Variants in TRIQK observed in about 807,000 individuals in gnomAD.
TRIQK encodes triple QxxK/R motif containing.
A neutral mutation model predicts 10.8 loss-of-function variants in TRIQK; 10 were observed. The observed-to-expected ratio is 0.92, with a 90% CI of 0.57 to 1.57. TRIQK has a LOEUF of 1.57. Among genes scored for constraint, TRIQK ranks in the 40% most tolerant of loss-of-function variants. TRIQK has a pLI of 0.00. For synonymous variants in TRIQK, 33 were observed against 33.7 expected, an observed-to-expected ratio of 0.98 and a Z score of 0.07; for missense variants, 107 against 97.7, an observed-to-expected ratio of 1.09 and a Z score of -0.40.
intron 1 of TRIQK, among the ~76,000 whole-genome samples, chr8:92,988,052 G>T (rs1236622593): frequency 8.2e-6 from 1 of 122,566 alleles, no homozygotes; most frequent in Non-Finnish European, 1.6e-5. Flanking sequence ...TGTCGCCCAG[G>T]CTGGAGTGCA....
intron 2 of TRIQK, among the ~76,000 whole-genome samples, chr8:92,940,334 T>TAA (rs56063230): frequency 1.5e-5 from 2 of 130,370 alleles, no homozygotes; most frequent in African/African-American, 2.9e-5. Context: ...ATAGATTTAA[T>TAA]AAAAAAAAAA....
intron 1 of TRIQK, among the ~76,000 whole-genome samples, chr8:92,988,155 C>CTGGGACTACAGGT (rs1813056817): frequency 6.6e-6 from 1 of 151,510 alleles, no homozygotes; most frequent in Non-Finnish European, 1.5e-5. Flanking sequence ...GGACTACAGG[C>CTGGGACTACAGGT]GCCCACCACC....
chr8:92,925,683 A>G (rs1276823240), intron 2 of TRIQK, among the ~76,000 whole-genome samples: 1 of 152,198 alleles, frequency 6.6e-6, no homozygotes, highest in Admixed American at 6.5e-5. Flanking sequence ...TAGAACTGAG[A>G]TTCTACTACA....
At chr8:92,990,458 T>C (rs537059051) in intron 1 of TRIQK, among the ~76,000 whole-genome samples, 55 of 152,290 alleles carry the variant, frequency 3.6e-4, no homozygotes, top group African/African-American at 1.3e-3. Context: ...TAGTTGTCGC[T>C]GGCAAGATGG....
chr8:92,900,962 T>A (rs1370069021), intron 3 of TRIQK, among the ~76,000 whole-genome samples: 1 of 152,140 alleles, frequency 6.6e-6, no homozygotes, highest in Admixed American at 6.6e-5. Context: ...ACTTATTTGC[T>A]TAAGTTTATT....
chr8:93,006,694 CCCA>C (rs1209492238), intron 1 of TRIQK, among the ~76,000 whole-genome samples: 1 of 152,180 alleles, frequency 6.6e-6, no homozygotes, highest in African/African-American at 2.4e-5. Flanking sequence ...ATGGATTGGA[CCCA>C]GGAGGAATTC....
At chr8:92,949,990 T>C (rs1323262351) in intron 2 of TRIQK, among the ~76,000 whole-genome samples, 1 of 152,158 alleles carries the variant, frequency 6.6e-6, no homozygotes, top group African/African-American at 2.4e-5. Flanking sequence ...GCTCTCAGAA[T>C]ATACTAAGCC....
At chr8:92,961,193 T>C (rs946737932) in intron 1 of TRIQK, among the ~76,000 whole-genome samples, 3 of 152,224 alleles carry the variant, frequency 2.0e-5, no homozygotes, top group African/African-American at 7.2e-5. Context: ...CAAATGTTAA[T>C]TTATCCAGAA....
chr8:92,946,791 C>T (rs1463761480), intron 2 of TRIQK, among the ~76,000 whole-genome samples: 3 of 146,926 alleles, frequency 2.0e-5, no homozygotes, highest in Admixed American at 1.4e-4. Context: ...GATGGAGTCT[C>T]GCTCTGTCGC....
At chr8:92,922,972 A>T (rs905066720) in intron 2 of TRIQK, among the ~76,000 whole-genome samples, 1 of 151,888 alleles carries the variant, frequency 6.6e-6, no homozygotes, top group Non-Finnish European at 1.5e-5. Context: ...CAAATGATAA[A>T]ACAAAAAATG....
At chr8:92,944,272 C>G (rs1481002675) in intron 2 of TRIQK, among the ~76,000 whole-genome samples, 1 of 140,178 alleles carries the variant, frequency 7.1e-6, no homozygotes, top group East Asian at 2.1e-4. Flanking sequence ...TAAATTAGTA[C>G]AGCCATTATG....
intron 3 of TRIQK, among the ~76,000 whole-genome samples, chr8:92,898,831 G>GTA (rs1554598322): frequency 3.0e-5 from 2 of 66,870 alleles, no homozygotes; most frequent in African/African-American, 6.1e-5. Flanking sequence ...AGGTGTGTGT[G>GTA]TGTATATATA....
At chr8:92,889,491 A>G (rs1393439168) in intron 4 of TRIQK, among the ~76,000 whole-genome samples, 1 of 151,632 alleles carries the variant, frequency 6.6e-6, no homozygotes, top group African/African-American at 2.4e-5. Context: ...TATAACACTA[A>G]TATCCATAAT....
intron 1 of TRIQK, among the ~76,000 whole-genome samples, chr8:92,987,202 C>G (rs1387114396): frequency 6.6e-6 from 1 of 152,160 alleles, no homozygotes; most frequent in Non-Finnish European, 1.5e-5. Context: ...ATTGAAGCAT[C>G]AGCCACTGAC....
chr8:92,923,595 T>G (rs1810292222), intron 2 of TRIQK, among the ~76,000 whole-genome samples: 1 of 151,916 alleles, frequency 6.6e-6, no homozygotes, highest in Admixed American at 6.6e-5. Context: ...CCAACATTCT[T>G]GAAACTTGAT....
In TRIQK at chr8:92,892,105, A is replaced by G. The variant is rs3780017; in HGVS notation, c.62-31T>C. 5.1e-5 allele frequency: 67 copies of G among 1,317,900 alleles called. No homozygotes were observed. In the East Asian group the frequency reaches 1.7e-3, roughly 33 times the overall value. The allele number at this position is 1,317,900 out of a possible 1,614,324, so 81.6% of individuals were successfully genotyped here. A position where few individuals can be genotyped will look rare whatever the true frequency, so the allele number is the denominator to read the frequency against. On this transcript the variant is annotated intron_variant, in intron 3 of 4. Coordinates refer to ENST00000521988, the MANE Select transcript of TRIQK (RefSeq NM_001171797.2). The stretch of plus-strand genomic sequence containing the variant: ...AAGAAATAGTTTCAGACAATGAGTT[A>G]TGCTCATATATAATTAAGTTTAACA...
chr8:92,944,319 AAT>A (rs1811413830), intron 2 of TRIQK, among the ~76,000 whole-genome samples: 1 of 151,788 alleles, frequency 6.6e-6, no homozygotes, highest in African/African-American at 2.4e-5. Flanking sequence ...AAAAAAAAAA[AAT>A]AGAACTACTA....
intron 1 of TRIQK, among the ~76,000 whole-genome samples, chr8:93,004,053 T>G (rs932348153): frequency 2.0e-5 from 3 of 152,232 alleles, no homozygotes; most frequent in African/African-American, 7.2e-5. Flanking sequence ...GATTTACCAT[T>G]CTGCAGTCTG....
Position 92,992,129 on chromosome 8 carries a change from G to T in TRIQK, c.-181+25480C>A, listed in dbSNP as rs541328569. On this transcript the variant is annotated intron_variant, in intron 1 of 4. Coordinates refer to the TRIQK transcript ENST00000520686. Reference sequence around the variant, plus strand: ...AGGGAGTCCTTTCAGTGGCACAGAGGCATGAAACTCTGCTTGTACCCTTCT... The same window carrying T: ...AGGGAGTCCTTTCAGTGGCACAGAGTCATGAAACTCTGCTTGTACCCTTCT... Among the ~76,000 whole-genome samples, 14 of 152,236 alleles carry T rather than the reference G, an allele frequency of 9.2e-5. No individual in the cohort carries two copies. In the South Asian group the frequency reaches 2.3e-3, roughly 25 times the overall value.
Sources: gnomAD v4.1 joint callset for allele counts (sites outside exome capture counted in the v4.1 genomes callset) on GRCh38, gnomAD v4.1.1 for gene constraint, MANE v1.5 for transcripts, NCBI Gene and HGNC (gene_info 2026-07-23, HGNC 2026-07-21) for gene names.